The following MDFIC2 variants were observed in gnomAD, a reference collection of about 807,000 sequenced individuals.
MDFIC2 encodes the protein MyoD family inhibitor domain containing 2.
At position 70,195,960 on chromosome 3, in the gene MDFIC2, A is replaced by G. The variant is rs1701173994; in HGVS notation, c.*966T>C. ...TTATTGATCACTTTAATTATCAGAC[A>G]AAGAAAAACATGGTTTCTGAAGCAC... On this transcript the variant is annotated 3_prime_UTR_variant, in exon 4 of 4. Coordinates refer to ENST00000567252, the MANE Select transcript of MDFIC2 (RefSeq NM_001364677.1). Among the ~76,000 whole-genome samples the G allele has an allele frequency of 1.3e-5, 2 of 152,342 alleles. No homozygotes were observed. The highest frequency in any genetic ancestry group is 3.9e-4 in the East Asian group (2 of 5,180).
chr3:70,268,086 A>G (rs1701938157), intron 2 of MDFIC2, among the ~76,000 whole-genome samples: 1 of 148,024 alleles, frequency 6.8e-6, no homozygotes, highest in Non-Finnish European at 1.5e-5. Flanking sequence ...CATTGTTTTT[A>G]GAGTAGTTTT....
At chr3:70,248,994 A>G (rs924229372) in intron 2 of MDFIC2, 1 of 152,178 alleles carries the variant, frequency 6.6e-6, no homozygotes, top group African/African-American at 2.4e-5. Context: ...CCATTCGGCT[A>G]AAGAATTGGA....
intron 2 of MDFIC2, among the ~76,000 whole-genome samples, chr3:70,236,387 C>G (rs1303255667): frequency 6.6e-6 from 1 of 152,074 alleles, no homozygotes; most frequent in Admixed American, 6.6e-5. Context: ...TTTTATTATA[C>G]ATTTATATTT....
intron 2 of MDFIC2, among the ~76,000 whole-genome samples, chr3:70,231,924 A>G (rs1026421105): frequency 2.0e-5 from 3 of 152,136 alleles, no homozygotes; most frequent in Non-Finnish European, 2.9e-5. Context: ...AGCTGATGCT[A>G]CACCAAATAA....
intron 3 of MDFIC2, among the ~76,000 whole-genome samples, chr3:70,199,544 A>G (rs1174964344): frequency 6.6e-6 from 1 of 152,134 alleles, no homozygotes; most frequent in Non-Finnish European, 1.5e-5. Flanking sequence ...CAACATGGTA[A>G]CATTAATGAA....
intron 2 of MDFIC2, among the ~76,000 whole-genome samples, chr3:70,266,742 G>C (rs1701920099): frequency 6.6e-6 from 1 of 152,082 alleles, no homozygotes. Flanking sequence ...CACTGCACCT[G>C]GCTTATACTT....
chr3:70,201,814 C>G (rs1285606700), intron 3 of MDFIC2, among the ~76,000 whole-genome samples: 5 of 152,150 alleles, frequency 3.3e-5, no homozygotes, highest in African/African-American at 1.2e-4. Context: ...GCTGGATTCC[C>G]AAGACTGGCA....
At chr3:70,238,878 A>G (rs184163932) in intron 2 of MDFIC2, among the ~76,000 whole-genome samples, 1 of 152,296 alleles carries the variant, frequency 6.6e-6, no homozygotes, top group East Asian at 1.9e-4. Context: ...TTAATTTTAT[A>G]TATTTCTTCT....
intron 2 of MDFIC2, among the ~76,000 whole-genome samples, chr3:70,285,820 A>C (rs775778713): frequency 2.9e-4 from 44 of 152,322 alleles, no homozygotes; most frequent in Non-Finnish European, 5.7e-4. Flanking sequence ...GATGAGGAGC[A>C]TTTAATCATG....
intron 2 of MDFIC2, among the ~76,000 whole-genome samples, chr3:70,207,579 A>G (rs780401531): frequency 8.6e-5 from 13 of 152,010 alleles, no homozygotes; most frequent in Non-Finnish European, 1.6e-4. Flanking sequence ...TGTGGGTTTC[A>G]CATCCCCAAT....
rs1174157143 is a variant in MDFIC2 at position 70,278,761 on chromosome 3, G to A, written c.88+33125C>T. Among the ~76,000 whole-genome samples the A allele has an allele frequency of 2.0e-5, 3 of 152,074 alleles. No homozygotes were observed. The East Asian group carries it at 5.8e-4, about 29-fold the overall frequency. On this transcript the variant is annotated intron_variant, in intron 2 of 3. Coordinates refer to ENST00000567252, the MANE Select transcript of MDFIC2 (RefSeq NM_001364677.1). The stretch of plus-strand genomic sequence containing the variant: ...TAAGTTGGTGCTCTATTTCTACCAA[G>A]TAATAACTAGGAGGCCTTAACAAAG...
intron 2 of MDFIC2, among the ~76,000 whole-genome samples, chr3:70,263,281 G>A (rs917465370): frequency 6.6e-6 from 1 of 151,470 alleles, no homozygotes; most frequent in East Asian, 1.9e-4. Context: ...ATCGAGTGCT[G>A]GTTTTTAAAA....
At chr3:70,287,758 G>T (rs1485763456) in intron 2 of MDFIC2, among the ~76,000 whole-genome samples, 5 of 151,556 alleles carry the variant, frequency 3.3e-5, no homozygotes, top group Non-Finnish European at 7.4e-5. Flanking sequence ...TCTATTCAGA[G>T]ATTCAACTTC....
intron 2 of MDFIC2, among the ~76,000 whole-genome samples, chr3:70,303,828 T>C (rs899468456): frequency 4.6e-5 from 7 of 152,066 alleles, no homozygotes; most frequent in African/African-American, 1.7e-4. Context: ...ATTACAGGCA[T>C]GTGCCACCAT....
chr3:70,223,669 C>A (rs1338357693), intron 2 of MDFIC2, among the ~76,000 whole-genome samples: 5 of 152,142 alleles, frequency 3.3e-5, no homozygotes, highest in Non-Finnish European at 7.4e-5. Flanking sequence ...AGACTTAAGT[C>A]TGAAAAATTT....
At position 70,196,011 on chromosome 3, in the gene MDFIC2, G is replaced by A. The variant is rs950322664; in HGVS notation, c.*915C>T. Among the ~76,000 whole-genome samples, 1 of 152,166 alleles carries A rather than the reference G, an allele frequency of 6.6e-6. No individual in the cohort carries two copies. The highest frequency in any genetic ancestry group is 2.4e-5 in the African/African-American group (1 of 41,448). On this transcript the variant is annotated 3_prime_UTR_variant, in exon 4 of 4. Transcript: ENST00000567252. ...ATGCTATATTAAGAAGCTTGGTGCT[G>A]AATAAGTACCCTCAACGCTTATTTC...
At chr3:70,226,670 G>A (rs985501988) in intron 2 of MDFIC2, among the ~76,000 whole-genome samples, 16 of 151,250 alleles carry the variant, frequency 1.1e-4, no homozygotes, top group Admixed American at 9.2e-4. Flanking sequence ...CCTGGGAAGC[G>A]GAGGTTGCAG....
intron 2 of MDFIC2, among the ~76,000 whole-genome samples, chr3:70,287,041 C>G (rs1173491150): frequency 6.8e-6 from 1 of 146,674 alleles, no homozygotes; most frequent in Admixed American, 6.8e-5. Context: ...TAATTGAATA[C>G]CCTTTATTTC....
intron 2 of MDFIC2, among the ~76,000 whole-genome samples, chr3:70,301,308 G>C (rs1178360478): frequency 6.6e-6 from 1 of 152,084 alleles, no homozygotes; most frequent in Non-Finnish European, 1.5e-5. Flanking sequence ...AATTGGGTAT[G>C]TTCATATGGT....
Sources: gnomAD v4.1 joint callset for allele counts (sites outside exome capture counted in the v4.1 genomes callset) on GRCh38, gnomAD v4.1.1 for gene constraint, MANE v1.5 for transcripts, NCBI Gene and HGNC (gene_info 2026-07-23, HGNC 2026-07-21) for gene names.